Variants in RARB observed in about 807,000 individuals in gnomAD.
The protein encoded by RARB is retinoic acid receptor beta.
Under a neutral mutation model 51.9 loss-of-function variants are expected in RARB, and 17 were observed. That is an observed-to-expected ratio of 0.33 (90% CI 0.22 to 0.49). RARB has a LOEUF of 0.49. RARB is among the 20% of genes least tolerant of loss of function. RARB has a pLI of 0.99. For synonymous variants in RARB, 215 were observed against 195.4 expected (o/e 1.10, Z -0.84); for missense variants, 369 against 550.8 (o/e 0.67, Z 3.30).
intron 3 of RARB, among the ~76,000 whole-genome samples, chr3:25,114,578 G>T (rs1362982762): frequency 6.6e-6 from 1 of 152,090 alleles, no homozygotes; most frequent in Non-Finnish European, 1.5e-5. Flanking sequence ...TGTAAAATCG[G>T]GATCCAGCAT....
rs574963022 is a variant in RARB at position 25,578,216 on chromosome 3, T to C, written c.610-2330T>C. On this transcript the variant is annotated intron_variant, in intron 4 of 7. Transcript: ENST00000330688. The stretch of plus-strand genomic sequence containing the variant: ...TCCATTTGCCGCAGCTGGAAGATAA[T>C]ATATAAGCCATTTGAAGCCTCATGC... Among the ~76,000 whole-genome samples, 412 of 152,350 alleles carry C rather than the reference T, an allele frequency of 2.7e-3. 1 individual carries two copies. The highest frequency in any genetic ancestry group is 4.2e-3 in the Non-Finnish European group (288 of 68,036).
intron 3 of RARB, among the ~76,000 whole-genome samples, chr3:25,521,425 C>T (rs1286568603): frequency 3.3e-5 from 5 of 152,198 alleles, no homozygotes; most frequent in Non-Finnish European, 5.9e-5. Flanking sequence ...AACTTTGCTG[C>T]TGCAGAGAGC....
chr3:24,859,041 AAAAAAAAAAAAAAAAAG>A (rs1185826411), intron 2 of RARB, among the ~76,000 whole-genome samples: 4 of 99,606 alleles, frequency 4.0e-5, no homozygotes, highest in African/African-American at 7.4e-5. Context: ...TGTCTCAAAA[AAAAAAAAAAAAAAAAAG>A]AAAAAAAAAA....
At chr3:25,577,401 C>CA (rs989695378) in intron 4 of RARB, among the ~76,000 whole-genome samples, 2 of 152,080 alleles carry the variant, frequency 1.3e-5, no homozygotes, top group African/African-American at 4.8e-5. Flanking sequence ...CAAAAACATA[C>CA]AAAATGCAGG....
At chr3:25,093,708 T>A (rs929104270) in intron 3 of RARB, among the ~76,000 whole-genome samples, 3 of 152,112 alleles carry the variant, frequency 2.0e-5, no homozygotes, top group African/African-American at 7.2e-5. Flanking sequence ...TACGGGGTTT[T>A]TTTTTGCATG....
At chr3:25,146,771 G>A (rs1254765388) in intron 4 of RARB, among the ~76,000 whole-genome samples, 2 of 151,832 alleles carry the variant, frequency 1.3e-5, no homozygotes, top group East Asian at 1.9e-4. Context: ...CGCCCACCTT[G>A]GCCTCCCAAA....
At chr3:25,201,878 T>C (rs1377391381) in intron 5 of RARB, among the ~76,000 whole-genome samples, 1 of 144,544 alleles carries the variant, frequency 6.9e-6, no homozygotes, top group African/African-American at 2.7e-5. Context: ...TCAGGGATAT[T>C]GGTCTACAAT....
chr3:25,492,891 G>A (rs530250651), intron 2 of RARB, among the ~76,000 whole-genome samples: 1 of 152,142 alleles, frequency 6.6e-6, no homozygotes, highest in African/African-American at 2.4e-5. Flanking sequence ...CAGGCAAGAG[G>A]TGCTATAGAC....
chr3:24,832,653 T>TATATATATATATATATATATAAC (rs1169669449), intron 1 of RARB, among the ~76,000 whole-genome samples: 1 of 63,402 alleles, frequency 1.6e-5, no homozygotes, highest in Non-Finnish European at 2.9e-5. Context: ...ATATATATAA[T>TATATATATATATATATATATAAC]GTCAATTAAA....
chr3:24,896,841 G>C (rs1003077761), intron 2 of RARB, among the ~76,000 whole-genome samples: 11 of 152,088 alleles, frequency 7.2e-5, no homozygotes, highest in African/African-American at 2.7e-4. Context: ...CTCTATTTCA[G>C]ACATGTCTCA....
In RARB at chr3:25,162,483, C is replaced by T. The variant is rs554948356; in HGVS notation, c.-279-11636C>T. ...TAAGATGCACAATTCAGTAGTTCTTCGTATATTCACAAATTTGTGCACCAT... is the reference window on the plus strand; with the variant it reads ...TAAGATGCACAATTCAGTAGTTCTTTGTATATTCACAAATTTGTGCACCAT... On this transcript the variant is annotated intron_variant, in intron 4 of 11. Coordinates refer to the RARB transcript ENST00000383772. Among the ~76,000 whole-genome samples, 31 of 152,262 alleles carry T rather than the reference C, an allele frequency of 2.0e-4. No individual in the cohort carries two copies. The East Asian group carries it at 2.3e-3, about 11-fold the overall frequency.
intron 2 of RARB, among the ~76,000 whole-genome samples, chr3:24,888,699 C>G (rs1400745726): frequency 6.6e-6 from 1 of 152,092 alleles, no homozygotes. Flanking sequence ...AAAATAAAGG[C>G]TGTGCATTGA....
At chr3:25,026,304 A>C (rs1204632062) in intron 2 of RARB, among the ~76,000 whole-genome samples, 2 of 152,210 alleles carry the variant, frequency 1.3e-5, no homozygotes, top group African/African-American at 4.8e-5. Context: ...CTTAAACAAT[A>C]GAAATTTATT....
At chr3:25,142,975 A>C (rs1467477232) in intron 4 of RARB, among the ~76,000 whole-genome samples, 2 of 152,220 alleles carry the variant, frequency 1.3e-5, no homozygotes, top group East Asian at 3.8e-4. Context: ...AAAAAGTCAC[A>C]GTAGTGATAG....
At chr3:25,300,556 GAGA>G (rs1340819246) in intron 5 of RARB, among the ~76,000 whole-genome samples, 2 of 152,204 alleles carry the variant, frequency 1.3e-5, no homozygotes, top group Non-Finnish European at 2.9e-5. Context: ...GCAGTTTTCT[GAGA>G]AGAACAGAAG....
In RARB at chr3:24,891,784, A is replaced by G. The variant is rs6550924; in HGVS notation, c.-380+33032A>G. ...GTGGTTAAACATCCTAGAGTAGATAAGTTGAGAAAGAGTTGCAGTATGAAG... is the reference window on the plus strand; with the variant it reads ...GTGGTTAAACATCCTAGAGTAGATAGGTTGAGAAAGAGTTGCAGTATGAAG... On this transcript the variant is annotated intron_variant, in intron 2 of 11. Transcript: ENST00000383772. 3.0e-3 allele frequency among the ~76,000 whole-genome samples: 455 copies of G among 151,882 alleles called. 3 individuals carry two copies. The highest frequency in any genetic ancestry group is 0.01 in the African/African-American group (421 of 41,458).
intron 3 of RARB, among the ~76,000 whole-genome samples, chr3:25,086,052 A>G (rs1278075933): frequency 1.3e-5 from 2 of 152,150 alleles, no homozygotes; most frequent in Non-Finnish European, 2.9e-5. Context: ...CTGATTAGTT[A>G]ATGTGGTCAC....
chr3:25,057,583 T>G (rs1698464937), intron 2 of RARB, among the ~76,000 whole-genome samples: 1 of 152,040 alleles, frequency 6.6e-6, no homozygotes, highest in African/African-American at 2.4e-5. Context: ...TTTGAAAGAC[T>G]TGGCATAGGA....
chr3:25,160,886 C>A (rs954356406), intron 4 of RARB, among the ~76,000 whole-genome samples: 1 of 152,084 alleles, frequency 6.6e-6, no homozygotes, highest in African/African-American at 2.4e-5. Flanking sequence ...CACATCACCC[C>A]AAATTCTGCT....
Sources: allele counts gnomAD v4.1 joint callset (sites outside exome capture counted in the v4.1 genomes callset), GRCh38; gene constraint gnomAD v4.1.1; transcripts MANE v1.5; gene names NCBI Gene and HGNC (gene_info 2026-07-23, HGNC 2026-07-21).